NKAIN3: variants seen among roughly 807,000 people sequenced by gnomAD.
NKAIN3 encodes the protein sodium/potassium transporting ATPase interacting 3.
In NKAIN3, 25 loss-of-function variants were observed where a neutral mutation model predicts 30.2. The observed-to-expected ratio is 0.83, with a 90% CI of 0.60 to 1.16. The LOEUF is 1.16. NKAIN3 is among the 50% of genes most tolerant of loss of function. The pLI, the probability that NKAIN3 is intolerant of heterozygous loss-of-function variation, is 0.00. For synonymous variants in NKAIN3, 91 were observed against 89.6 expected, an observed-to-expected ratio of 1.02 and a Z score of -0.09; for missense variants, 225 against 254.1, an observed-to-expected ratio of 0.89 and a Z score of 0.78.
At chr8:62,825,956 C>G (rs1819008376) in intron 4 of NKAIN3, among the ~76,000 whole-genome samples, 1 of 152,142 alleles carries the variant, frequency 6.6e-6, no homozygotes, top group Non-Finnish European at 1.5e-5. Flanking sequence ...AACTGACAAA[C>G]ATATTTTACA....
chr8:62,568,762 T>C (rs909788288), intron 1 of NKAIN3, among the ~76,000 whole-genome samples: 1 of 152,208 alleles, frequency 6.6e-6, no homozygotes, highest in African/African-American at 2.4e-5. Context: ...ATCTTTATTA[T>C]TGAATTTTAA....
chr8:62,944,788 T>C lies in NKAIN3; in HGVS notation c.533-9114T>C, dbSNP rs183366186. Among the ~76,000 whole-genome samples, 58 of 152,290 alleles carry C rather than the reference T, an allele frequency of 3.8e-4. No individual in the cohort carries two copies. In the East Asian group the frequency reaches 9.6e-3, roughly 25 times the overall value. On this transcript the variant is annotated intron_variant, in intron 5 of 6. Transcript: ENST00000623646. ...AAGTCCTAATCATAAAATGAAATAT[T>C]TGTTGGAAAAGCACCTCTTAATGAA...
At chr8:62,858,058 T>G (rs1267458567) in intron 4 of NKAIN3, among the ~76,000 whole-genome samples, 1 of 129,300 alleles carries the variant, frequency 7.7e-6, no homozygotes. Flanking sequence ...GTTTTCTGTG[T>G]TTTTTTTGTT....
intron 3 of NKAIN3, among the ~76,000 whole-genome samples, chr8:62,624,477 C>G (rs1158768827): frequency 6.7e-6 from 1 of 150,098 alleles, no homozygotes; most frequent in Non-Finnish European, 1.5e-5. Flanking sequence ...ATTCTTTGCT[C>G]CTCTGCAGAG....
chr8:62,502,760 G>C (rs1405765278), intron 1 of NKAIN3, among the ~76,000 whole-genome samples: 1 of 152,138 alleles, frequency 6.6e-6, no homozygotes, highest in Non-Finnish European at 1.5e-5. Flanking sequence ...GTAGCAGCTT[G>C]ATGGGCACAG....
chr8:62,962,371 A>G (rs1209285153), intron 6 of NKAIN3, among the ~76,000 whole-genome samples: 1 of 152,236 alleles, frequency 6.6e-6, no homozygotes, highest in African/African-American at 2.4e-5. Context: ...CAACAAACCA[A>G]TTGTAATGAG....
At chr8:62,593,791 G>A (rs948675352) in intron 3 of NKAIN3, among the ~76,000 whole-genome samples, 7 of 152,032 alleles carry the variant, frequency 4.6e-5, no homozygotes, top group Non-Finnish European at 8.8e-5. Flanking sequence ...ATGTCACCTT[G>A]CTAGAGGGAG....
At chr8:62,924,756 T>A (rs1236971829) in intron 5 of NKAIN3, among the ~76,000 whole-genome samples, 1 of 152,196 alleles carries the variant, frequency 6.6e-6, no homozygotes, top group Non-Finnish European at 1.5e-5. Context: ...GGAAGTTATT[T>A]CACAGAGTTC....
chr8:62,622,930 GTTAA>G (rs1445292507), intron 3 of NKAIN3, among the ~76,000 whole-genome samples: 1 of 151,852 alleles, frequency 6.6e-6, no homozygotes, highest in African/African-American at 2.4e-5. Flanking sequence ...TCCATTTTGA[GTTAA>G]TTAATTAAAT....
intron 4 of NKAIN3, among the ~76,000 whole-genome samples, chr8:62,820,989 A>ATT (rs1260226136): frequency 1.3e-5 from 2 of 152,134 alleles, no homozygotes; most frequent in Admixed American, 1.3e-4. Flanking sequence ...AAGCAGGAGA[A>ATT]TTTTAATTAA....
chr8:62,987,634 TC>T (rs878993112), downstream of NKAIN3, among the ~76,000 whole-genome samples: 7 of 151,354 alleles, frequency 4.6e-5, no homozygotes, highest in African/African-American at 1.5e-4. Context: ...GTGACAGACC[TC>T]CCCCCCATGA....
In NKAIN3 at chr8:62,353,933, C is replaced by T. The variant is rs534287880; in HGVS notation, c.54+104806C>T. 2.0e-5 allele frequency among the ~76,000 whole-genome samples: 3 copies of T among 152,272 alleles called. No individual in the cohort carries two copies. The South Asian group carries it at 6.2e-4, about 32-fold the overall frequency. ...GGGAGAAATTTCAAAACTAAAGCTA[C>T]ATTTTAATGGCTCCTTAAAAGAAGC... On this transcript the variant is annotated intron_variant, in intron 1 of 6. Coordinates refer to ENST00000623646, the MANE Select transcript of NKAIN3 (RefSeq NM_001304533.3).
chr8:62,299,052 GATA>G (rs937994664), intron 1 of NKAIN3, among the ~76,000 whole-genome samples: 1 of 151,928 alleles, frequency 6.6e-6, no homozygotes, highest in Non-Finnish European at 1.5e-5. Flanking sequence ...GAGATGAGAA[GATA>G]ATGTTTTCCC....
intron 2 of NKAIN3, among the ~76,000 whole-genome samples, chr8:62,581,376 C>A: frequency 6.6e-6 from 1 of 152,100 alleles, no homozygotes; most frequent in East Asian, 1.9e-4. Context: ...TGCTGCGAAA[C>A]AAAATACCTG....
chr8:62,604,919 C>T (rs918759274), intron 3 of NKAIN3, among the ~76,000 whole-genome samples: 1 of 152,018 alleles, frequency 6.6e-6, no homozygotes, highest in Non-Finnish European at 1.5e-5. Context: ...AATCTATTCC[C>T]GCTTCTTCTG....
rs574194174 is a variant in NKAIN3, at chr8:62,991,504, G to C, written c.533-7727G>C. Among the ~76,000 whole-genome samples the C allele has an allele frequency of 1.3e-4, 20 of 152,332 alleles. No homozygotes were observed. The East Asian group carries it at 3.9e-3, about 29-fold the overall frequency. On this transcript the variant is annotated intron_variant, in intron 5 of 5. Coordinates refer to the NKAIN3 transcript ENST00000519049. The stretch of plus-strand genomic sequence containing the variant: ...TATACAGATATCAATGCAGAGCAAA[G>C]TATGTGCTTGCTCAGCTCACTGACA...
intron 3 of NKAIN3, among the ~76,000 whole-genome samples, chr8:62,686,310 T>C (rs1813799458): frequency 6.6e-6 from 1 of 152,196 alleles, no homozygotes; most frequent in South Asian, 2.1e-4. Flanking sequence ...CAGACCTATA[T>C]TGCGTACTGA....
At chr8:62,800,594 C>A (rs543350982) in intron 4 of NKAIN3, among the ~76,000 whole-genome samples, 2 of 152,306 alleles carry the variant, frequency 1.3e-5, no homozygotes, top group South Asian at 4.1e-4. Flanking sequence ...CGGAGAATTT[C>A]GGTAAAGCCA....
At chr8:62,955,406 A>G (rs1358608347) in intron 6 of NKAIN3, among the ~76,000 whole-genome samples, 1 of 152,214 alleles carries the variant, frequency 6.6e-6, no homozygotes, top group Non-Finnish European at 1.5e-5. Context: ...GATTGTGACA[A>G]TAATCAAGAT....
Sources: allele counts gnomAD v4.1 joint callset (sites outside exome capture counted in the v4.1 genomes callset), GRCh38; gene constraint gnomAD v4.1.1; transcripts MANE v1.5; gene names NCBI Gene and HGNC (gene_info 2026-07-23, HGNC 2026-07-21).